NR5A2: variants seen among roughly 807,000 people sequenced by gnomAD.
The protein encoded by NR5A2 is nuclear receptor subfamily 5 group A member 2.
A neutral mutation model predicts 62.7 loss-of-function variants in NR5A2; 26 were observed. The observed-to-expected ratio is 0.41, with a 90% CI of 0.30 to 0.58. NR5A2 has a LOEUF of 0.58. NR5A2 is among the 20% of genes least tolerant of loss of function. The pLI, the probability that NR5A2 is intolerant of heterozygous loss-of-function variation, is 0.22. For missense variants in NR5A2, 541 were observed against 669.1 expected, an observed-to-expected ratio of 0.81 and a Z score of 2.11; for synonymous variants, 246 against 241.7, an observed-to-expected ratio of 1.02 and a Z score of -0.16.
intron 1 of NR5A2, among the ~76,000 whole-genome samples, chr1:200,035,028 T>C (rs897797920): frequency 5.9e-5 from 9 of 151,976 alleles, no homozygotes; most frequent in Non-Finnish European, 1.2e-4. Flanking sequence ...GCTAAACTTT[T>C]CAGAGAAAGG....
At chr1:200,168,536 C>T (rs1463346357) in intron 7 of NR5A2, among the ~76,000 whole-genome samples, 1 of 152,138 alleles carries the variant, frequency 6.6e-6, no homozygotes, top group African/African-American at 2.4e-5. Flanking sequence ...CAAAATTATA[C>T]ATTCTAGTTG....
At chr1:200,047,393 C>T (rs1476461267) in intron 4 of NR5A2, among the ~76,000 whole-genome samples, 1 of 152,130 alleles carries the variant, frequency 6.6e-6, no homozygotes, top group African/African-American at 2.4e-5. Flanking sequence ...GCCAAAATGG[C>T]TTTCAGGGAG....
At chr1:200,167,053 C>A (rs770028468) in intron 7 of NR5A2, among the ~76,000 whole-genome samples, 1 of 152,168 alleles carries the variant, frequency 6.6e-6, no homozygotes, top group African/African-American at 2.4e-5. Flanking sequence ...AATCCCACTC[C>A]TAGGCCAGTT....
At chr1:200,116,610 G>A (rs921761124) in intron 6 of NR5A2, among the ~76,000 whole-genome samples, 1 of 152,128 alleles carries the variant, frequency 6.6e-6, no homozygotes, top group African/African-American at 2.4e-5. Context: ...AGGATTCAGT[G>A]TTTCACTTAA....
intron 7 of NR5A2, among the ~76,000 whole-genome samples, chr1:200,126,194 GTA>G (rs1364505657): frequency 6.6e-6 from 1 of 152,124 alleles, no homozygotes; most frequent in African/African-American, 2.4e-5. Flanking sequence ...GAAAAAAACA[GTA>G]TTTCTAAGGC....
intron 5 of NR5A2, among the ~76,000 whole-genome samples, chr1:200,067,262 A>G (rs796416222): frequency 1.5e-4 from 23 of 152,236 alleles, no homozygotes; most frequent in African/African-American, 5.1e-4. Context: ...ATTCTCACTT[A>G]TAAGTGGGAG....
chr1:200,172,596 G>A (rs1005718891), intron 7 of NR5A2, among the ~76,000 whole-genome samples: 1 of 152,176 alleles, frequency 6.6e-6, no homozygotes, highest in Non-Finnish European at 1.5e-5. Flanking sequence ...ACTTGGGGAT[G>A]GAAAGGGGAA....
At chr1:200,034,783 CT>C (rs767393832) in intron 1 of NR5A2, among the ~76,000 whole-genome samples, 846 of 71,184 alleles carry the variant, frequency 0.012, 6 homozygotes, top group East Asian at 0.027. Flanking sequence ...AGCAGAAAGG[CT>C]TTTTTTTTTT....
Position 200,039,801 on chromosome 1 carries a change from G to A in NR5A2, c.202+6G>A. 1.3e-6 allele frequency: 2 copies of A among 1,593,178 alleles called. No homozygotes were observed. Among genetic ancestry groups the A allele is most frequent in the Non-Finnish European group, 1.7e-6 (2 of 1,171,592 alleles). On this transcript the variant is annotated splice_donor_region_variant and intron_variant, in intron 2 of 7. Coordinates refer to ENST00000367362, the MANE Select transcript of NR5A2 (RefSeq NM_205860.3). This position sits in a 1 kb window ranked among gnomAD's most constrained non-coding sequence, Gnocchi z 5.1. ...GATGCCGGAAAACATGCAAGGTAAG[G>A]AGGCGCCGCGCGGCGCTCCGGCTCC...
chr1:200,088,104 C>T (rs920989975), intron 5 of NR5A2, among the ~76,000 whole-genome samples: 54 of 152,142 alleles, frequency 3.5e-4, no homozygotes, highest in African/African-American at 1.0e-3. Flanking sequence ...TGGAGTCTCA[C>T]GTGTGGCCCA....
rs541653451 is a variant in NR5A2, at chr1:200,090,624, G to T, written c.1111-20578G>T. The stretch of plus-strand genomic sequence containing the variant: ...TTGGGATTAAAGATTGATGCCAAAT[G>T]AATACATTTTCCAACCTTGAATTTT... On this transcript the variant is annotated intron_variant, in intron 5 of 7. Coordinates refer to ENST00000367362, the MANE Select transcript of NR5A2 (RefSeq NM_205860.3). Among the ~76,000 whole-genome samples the T allele has an allele frequency of 2.6e-5, 4 of 152,342 alleles. No individual in the cohort carries two copies. The East Asian group carries it at 7.7e-4, about 29-fold the overall frequency.
chr1:200,051,651 G>A (rs1187422984), intron 5 of NR5A2, among the ~76,000 whole-genome samples: 1 of 152,138 alleles, frequency 6.6e-6, no homozygotes, highest in Non-Finnish European at 1.5e-5. Flanking sequence ...TTGACCAGGA[G>A]TGATTCAAGT....
chr1:200,065,735 G>C (rs373836818), intron 5 of NR5A2, among the ~76,000 whole-genome samples: 2 of 152,140 alleles, frequency 1.3e-5, no homozygotes, highest in African/African-American at 4.8e-5. Context: ...GAGGAGGAAG[G>C]GAGCAGTTAG....
chr1:200,038,496 G>T (rs1374723311), intron 1 of NR5A2, among the ~76,000 whole-genome samples: 2 of 152,204 alleles, frequency 1.3e-5, no homozygotes, highest in South Asian at 2.1e-4. Flanking sequence ...CCCACGTGTC[G>T]CCTCTTCAGG....
chr1:200,051,907 A>C (rs952600634), intron 5 of NR5A2, among the ~76,000 whole-genome samples: 1 of 152,188 alleles, frequency 6.6e-6, no homozygotes, highest in African/African-American at 2.4e-5. Context: ...TGTACCAAAC[A>C]CATCACACGG....
At chr1:200,163,572 C>G (rs1302858667) in intron 7 of NR5A2, among the ~76,000 whole-genome samples, 3 of 151,882 alleles carry the variant, frequency 2.0e-5, no homozygotes, top group Admixed American at 6.6e-5. Context: ...GCCCCAACTT[C>G]CTGGGATCAA....
At chr1:200,129,538 A>C (rs1029553561) in intron 7 of NR5A2, among the ~76,000 whole-genome samples, 11 of 152,176 alleles carry the variant, frequency 7.2e-5, no homozygotes, top group Admixed American at 2.0e-4. Context: ...ATCTACCAGC[A>C]AGGCTGGCAT....
chr1:200,115,405 A>G (rs1167983031), intron 6 of NR5A2, among the ~76,000 whole-genome samples: 1 of 152,208 alleles, frequency 6.6e-6, no homozygotes, highest in African/African-American at 2.4e-5. Context: ...GTGTGTTTCC[A>G]TGAAGCACTG....
chr1:200,034,379 C>T (rs1452679589), intron 1 of NR5A2, among the ~76,000 whole-genome samples: 1 of 152,184 alleles, frequency 6.6e-6, no homozygotes, highest in Non-Finnish European at 1.5e-5. Flanking sequence ...CCACTCCTTT[C>T]TTAAGACCGG....
Sources: gnomAD v4.1 joint callset for allele counts (sites outside exome capture counted in the v4.1 genomes callset) on GRCh38, gnomAD v4.1.1 for gene constraint, Gnocchi (gnomAD v3.1) non-coding constraint, MANE v1.5 for transcripts, NCBI Gene and HGNC (gene_info 2026-07-23, HGNC 2026-07-21) for gene names.